Variants in DUSP8 observed in about 807,000 individuals in gnomAD.
The protein encoded by DUSP8 is dual specificity protein phosphatase 8.
A neutral mutation model predicts 38.7 loss-of-function variants in DUSP8; 15 were observed. The observed-to-expected ratio is 0.39, with a 90% CI of 0.26 to 0.60. DUSP8 has a LOEUF of 0.60. Among genes scored for constraint, DUSP8 ranks in the 20% least tolerant of loss-of-function variants. DUSP8 has a pLI of 0.56. For missense variants in DUSP8, 768 were observed against 915.0 expected (o/e 0.84, Z 2.07); for synonymous variants, 458 against 433.9 (o/e 1.06, Z -0.69).
In DUSP8 at chr11:1,557,058, C is replaced by A. The variant is rs1848641234; in HGVS notation, c.1338G>T (p.Ala446=). The A allele has an allele frequency of 2.0e-5, 23 of 1,168,846 alleles. No homozygotes were observed. The highest frequency in any genetic ancestry group is 2.4e-5 in the Non-Finnish European group (23 of 948,004). 72.4% of individuals were successfully genotyped at this position (1,168,846 alleles called of 1,614,324 possible). ...GGCGGGGCCGTGGGCGCGCCTCAGG[C>A]GCGGCGTCCGGGCTGTCCGGGCTGG... ...SSPSPDSPDA[A]PEARPRPRRR... is the part of the protein sequence containing the mutation. The change falls in exon 7 of 7, where the codon GCG becomes GCT. Residue 446 remains alanine (A), a synonymous_variant. Coordinates refer to ENST00000397374, the MANE Select transcript of DUSP8 (RefSeq NM_004420.3). This position sits in a 1 kb window ranked among gnomAD's most constrained non-coding sequence, Gnocchi z 9.9.
At chr11:1,566,823 A>C (rs375323024) in intron 1 of DUSP8, among the ~76,000 whole-genome samples, 14 of 152,024 alleles carry the variant, frequency 9.2e-5, no homozygotes, top group African/African-American at 3.4e-4. Context: ...ATGGCCTGCA[A>C]AGGCCTCAGA....
chr11:1,571,854 A>C (rs1032797993), intron 1 of DUSP8, 47 bp downstream of exon 1: 1 of 145,700 alleles, frequency 6.9e-6, no homozygotes. Flanking sequence ...GGGCCGGTGA[A>C]CCCCATCCCC....
chr11:1,567,176 C>A (rs1848816927), intron 1 of DUSP8, among the ~76,000 whole-genome samples: 1 of 152,174 alleles, frequency 6.6e-6, no homozygotes, highest in Admixed American at 6.5e-5. Flanking sequence ...GTTTACTCCA[C>A]CCAGCTCAGG....
chr11:1,570,130 G>T lies in DUSP8; in HGVS notation c.-109+1771C>A, dbSNP rs577830123. On this transcript the variant is annotated intron_variant, in intron 1 of 6. Coordinates refer to ENST00000397374, the MANE Select transcript of DUSP8 (RefSeq NM_004420.3). The stretch of plus-strand genomic sequence containing the variant: ...GGGGGCTCCCTCCGATCCCAGGAAC[G>T]GGGTCCGGGCAGGGCAGGGGATGGG... 3.3e-5 allele frequency among the ~76,000 whole-genome samples: 5 copies of T among 152,292 alleles called. No homozygotes were observed. The East Asian group carries it at 7.7e-4, about 24-fold the overall frequency.
Position 1,554,974 on chromosome 11 carries a change from A to G in DUSP8, c.*1544T>C, listed in dbSNP as rs893878898. On this transcript the variant is annotated 3_prime_UTR_variant, in exon 7 of 7. Coordinates refer to ENST00000397374, the MANE Select transcript of DUSP8 (RefSeq NM_004420.3). The stretch of plus-strand genomic sequence containing the variant: ...AGAGCTGTGGGTGAAAAGAAGAACA[A>G]ATAGAAGAAACAGCAGAGAGGGCGG... The G allele has an allele frequency of 1.3e-5, 13 of 986,152 alleles. No individual in the cohort carries two copies. In the African/African-American group the frequency reaches 2.1e-4, roughly 16 times the overall value. The allele number at this position is 986,152 out of a possible 1,614,324, so 61.1% of individuals were successfully genotyped here. A position where few individuals can be genotyped will look rare whatever the true frequency, so the allele number is the denominator to read the frequency against.
chr11:1,572,321 C>T (rs1848918738), upstream of DUSP8, among the ~76,000 whole-genome samples: 1 of 148,818 alleles, frequency 6.7e-6, no homozygotes, highest in Admixed American at 6.7e-5. The surrounding 1 kb of genome is among the most constrained non-coding windows in gnomAD (Gnocchi z 4.7). Context: ...GAGGTCATGC[C>T]GAGCGAAAAA....
chr11:1,555,566 G>T lies in DUSP8; in HGVS notation c.*952C>A. On this transcript the variant is annotated 3_prime_UTR_variant, in exon 7 of 7. Transcript: ENST00000397374. Reference sequence around the variant, plus strand: ...CTGGGGGTCCAGGGCTTCCTGCCCAGTGGAGCCAGCACTGGCTAGCCAGGC... The same window carrying T: ...CTGGGGGTCCAGGGCTTCCTGCCCATTGGAGCCAGCACTGGCTAGCCAGGC... 1.3e-6 allele frequency: 1 copy of T among 759,290 alleles called. No individual in the cohort carries two copies. Among genetic ancestry groups the T allele is most frequent in the Non-Finnish European group, 1.6e-6 (1 of 622,942 alleles). 47.0% of individuals were successfully genotyped at this position (759,290 alleles called of 1,614,324 possible).
At chr11:1,561,362 C>G (rs1305485046) in intron 3 of DUSP8, among the ~76,000 whole-genome samples, 1 of 152,216 alleles carries the variant, frequency 6.6e-6, no homozygotes, top group Non-Finnish European at 1.5e-5. Flanking sequence ...ACCCTGCAAG[C>G]GCTTATGGCC....
At chr11:1,567,139 C>T (rs1811965141) in intron 1 of DUSP8, among the ~76,000 whole-genome samples, 1 of 152,164 alleles carries the variant, frequency 6.6e-6, no homozygotes, top group African/African-American at 2.4e-5. Context: ...CTTCCCTGTG[C>T]CCCCACAGCT....
In DUSP8 at chr11:1,563,888, C is replaced by A; in HGVS notation, c.333G>T (p.Lys111Asn). ...CCACGCTGTCGAAGCAGCCGTCCAG[C>A]TTGCTCAGCAGGATGGAGAGGAAGC... ...ADSFLSILLS[K>N]LDGCFDSVAI... Residue 111 changes from lysine to asparagine, a missense_variant, in exon 3 of 7, where the codon AAG becomes AAT. Coordinates refer to ENST00000397374, the MANE Select transcript of DUSP8 (RefSeq NM_004420.3). The A allele has an allele frequency of 6.4e-7, 1 of 1,551,784 alleles. No homozygotes were observed. The highest frequency in any genetic ancestry group is 2.4e-5 in the East Asian group (1 of 41,262).
chr11:1,572,547 C>T (rs1158122811), upstream of DUSP8, among the ~76,000 whole-genome samples: 2 of 151,794 alleles, frequency 1.3e-5, no homozygotes, highest in Non-Finnish European at 2.9e-5. The surrounding 1 kb of genome is among the most constrained non-coding windows in gnomAD (Gnocchi z 4.7). Context: ...TCCAGGAAGC[C>T]CTCCCGGCCC....
Position 1,556,253 on chromosome 11 carries a change from A to C in DUSP8, c.*265T>G. 1 of 380,402 alleles carries C rather than the reference A, an allele frequency of 2.6e-6. No homozygotes were observed. The allele number at this position is 380,402 out of a possible 1,614,324, so 23.6% of individuals were successfully genotyped here. ...AACTGGGAGGGGCCCCAGGCCTGGCACCCAGCTTGCGACTGAAGGTGGCCT... is the reference window on the plus strand; with the variant it reads ...AACTGGGAGGGGCCCCAGGCCTGGCCCCCAGCTTGCGACTGAAGGTGGCCT... On this transcript the variant is annotated 3_prime_UTR_variant, in exon 7 of 7. Coordinates refer to ENST00000397374, the MANE Select transcript of DUSP8 (RefSeq NM_004420.3). The surrounding 1 kb of genome is among the most constrained non-coding windows in gnomAD (Gnocchi z 5.2).
rs1590798812 is a variant in DUSP8, at chr11:1,556,396, A to T, written c.*122T>A. On this transcript the variant is annotated 3_prime_UTR_variant, in exon 7 of 7. Coordinates refer to ENST00000397374, the MANE Select transcript of DUSP8 (RefSeq NM_004420.3). The surrounding 1 kb of genome is among the most constrained non-coding windows in gnomAD (Gnocchi z 5.2). The stretch of plus-strand genomic sequence containing the variant: ...AATGAACAGCTTAAATAAATAAAAA[A>T]TCGAAATATTTACTTCTCGATAAAA... 8.3e-7 allele frequency: 1 copy of T among 1,201,772 alleles called. No individual in the cohort carries two copies. The highest frequency in any genetic ancestry group is 4.2e-5 in the Admixed American group (1 of 23,634). The allele number at this position is 1,201,772 out of a possible 1,614,324, so 74.4% of individuals were successfully genotyped here.
intron 1 of DUSP8, among the ~76,000 whole-genome samples, chr11:1,569,029 GC>G (rs1197222603): frequency 3.3e-5 from 5 of 152,168 alleles, no homozygotes; most frequent in African/African-American, 1.2e-4. Flanking sequence ...GATCAGTGGG[GC>G]CAGCACTGGC....
intron 1 of DUSP8, among the ~76,000 whole-genome samples, chr11:1,570,607 C>G (rs1178301911): frequency 6.9e-6 from 1 of 144,414 alleles, no homozygotes; most frequent in African/African-American, 2.6e-5. Flanking sequence ...ACAGAGGATA[C>G]CAGGGGAATA....
intron 1 of DUSP8, among the ~76,000 whole-genome samples, chr11:1,570,585 G>A (rs1282171879): frequency 6.6e-6 from 1 of 152,000 alleles, no homozygotes; most frequent in Non-Finnish European, 1.5e-5. Context: ...ATTCCCAGAA[G>A]CCTCCCCGAG....
In DUSP8 at chr11:1,558,090, C is replaced by A; in HGVS notation, c.697+22G>T. On this transcript the variant is annotated intron_variant, in intron 5 of 6. Transcript: ENST00000397374. This position sits in a 1 kb window ranked among gnomAD's most constrained non-coding sequence, Gnocchi z 6.3. ...AGCCTTCCTCTAGCCAGGTCCCTGC[C>A]CTCCGCCCACCGCAGACTCACCGAT... 1 of 1,611,772 alleles carries A rather than the reference C, an allele frequency of 6.2e-7. No homozygotes were observed. Among genetic ancestry groups the A allele is most frequent in the African/African-American group, 1.3e-5 (1 of 74,966 alleles).
At chr11:1,569,405 C>T (rs1427877158) in intron 1 of DUSP8, among the ~76,000 whole-genome samples, 1 of 152,174 alleles carries the variant, frequency 6.6e-6, no homozygotes, top group African/African-American at 2.4e-5. Flanking sequence ...TTTGCACACC[C>T]ACTCCACACA....
intron 3 of DUSP8, among the ~76,000 whole-genome samples, chr11:1,560,080 T>A (rs984775222): frequency 6.6e-6 from 1 of 152,108 alleles, no homozygotes; most frequent in African/African-American, 2.4e-5. Context: ...ACCCACCTGG[T>A]GGCTGCCAGC....
Sources: allele counts gnomAD v4.1 joint callset (sites outside exome capture counted in the v4.1 genomes callset), GRCh38; gene constraint gnomAD v4.1.1; non-coding constraint Gnocchi (gnomAD v3.1); transcripts MANE v1.5; gene names NCBI Gene and HGNC (gene_info 2026-07-23, HGNC 2026-07-21).